IQSEC1: variants seen among roughly 807,000 people sequenced by gnomAD.
The protein encoded by IQSEC1 is IQ motif and Sec7 domain ArfGEF 1.
A neutral mutation model predicts 91.0 loss-of-function variants in IQSEC1; 31 were observed. The observed-to-expected ratio is 0.34, with a 90% CI of 0.26 to 0.46. The LOEUF is 0.46. IQSEC1 is among the 20% of genes least tolerant of loss of function. The pLI is 1.00. For missense variants in IQSEC1, 1,388 were observed against 1,575.6 expected (o/e 0.88, Z 2.02); for synonymous variants, 699 against 662.6 (o/e 1.05, Z -0.84).
At chr3:13,042,424 C>T (rs1257588343) in intron 1 of IQSEC1, 2 of 152,246 alleles carry the variant, frequency 1.3e-5, no homozygotes, top group African/African-American at 4.8e-5. Context: ...CGGAGAGGGG[C>T]TAGTGGGAGG....
intron 1 of IQSEC1, among the ~76,000 whole-genome samples, chr3:13,026,276 T>C (rs894007852): frequency 3.3e-5 from 5 of 152,168 alleles, no homozygotes; most frequent in African/African-American, 9.6e-5. Context: ...CTGGTTAGGG[T>C]TCCCCCCTTC....
chr3:13,251,038 C>T (rs1182700744), intron 1 of IQSEC1, among the ~76,000 whole-genome samples: 1 of 152,128 alleles, frequency 6.6e-6, no homozygotes, highest in Non-Finnish European at 1.5e-5. Context: ...ACTTCTGAGT[C>T]CTCACCTCCT....
chr3:13,036,794 C>T (rs768314508), intron 1 of IQSEC1, among the ~76,000 whole-genome samples: 49 of 152,338 alleles, frequency 3.2e-4, no homozygotes, highest in Middle Eastern at 3.4e-3. Context: ...AGATCCCTGG[C>T]GGCCTCTGTT....
intron 1 of IQSEC1, among the ~76,000 whole-genome samples, chr3:12,996,534 C>A (rs963830678): frequency 9.9e-5 from 15 of 151,924 alleles, no homozygotes; most frequent in Non-Finnish European, 1.8e-4. Flanking sequence ...AGGAAGATGT[C>A]GAACACTTAA....
upstream of IQSEC1, among the ~76,000 whole-genome samples, chr3:13,074,219 G>A (rs1231387157): frequency 6.6e-6 from 1 of 152,218 alleles, no homozygotes; most frequent in African/African-American, 2.4e-5. Context: ...GGGTGGTCGG[G>A]AAGGCCCTCT....
chr3:13,043,726 G>A (rs746400924), intron 1 of IQSEC1, among the ~76,000 whole-genome samples: 1 of 152,344 alleles, frequency 6.6e-6, no homozygotes, highest in Non-Finnish European at 1.5e-5. Flanking sequence ...GAGGAGCCTC[G>A]ATAATCATTT....
At chr3:13,009,271 C>T (rs1702769200) in intron 1 of IQSEC1, among the ~76,000 whole-genome samples, 1 of 152,212 alleles carries the variant, frequency 6.6e-6, no homozygotes. Flanking sequence ...GGTGCCCGGA[C>T]TGCCACACCT....
intron 1 of IQSEC1, among the ~76,000 whole-genome samples, chr3:13,232,086 ATAGT>A (rs758130536): frequency 4.6e-5 from 7 of 152,238 alleles, no homozygotes; most frequent in Non-Finnish European, 7.3e-5. Context: ...CTACTTTATA[ATAGT>A]TAGGGCACTG....
intron 1 of IQSEC1, among the ~76,000 whole-genome samples, chr3:13,066,669 G>C (rs1449263365): frequency 2.6e-5 from 4 of 152,350 alleles, no homozygotes; most frequent in Non-Finnish European, 5.9e-5. Flanking sequence ...GCTGAGGAGA[G>C]AGGGGTGTGT....
intron 1 of IQSEC1, among the ~76,000 whole-genome samples, chr3:13,268,225 T>C (rs1181030256): frequency 6.6e-6 from 1 of 152,214 alleles, no homozygotes; most frequent in Non-Finnish European, 1.5e-5. Flanking sequence ...GAGCACTGGT[T>C]TGGGAGTCCC....
In IQSEC1 at chr3:13,219,881, C is replaced by T. The variant is rs186443543; in HGVS notation, c.273-55748G>A. ...CTTATTTCCTTAATGCCACTGCTGC[C>T]CACAATATCCAGAGAGTTTGACTTT... On this transcript the variant is annotated intron_variant, in intron 1 of 15. Coordinates refer to the IQSEC1 transcript ENST00000648114. Among the ~76,000 whole-genome samples, 453 of 152,362 alleles carry T rather than the reference C, an allele frequency of 3.0e-3. 1 individual carries two copies. Among genetic ancestry groups the T allele is most frequent in the South Asian group, 6.4e-3 (31 of 4,824 alleles).
chr3:13,194,988 C>A (rs902557658), intron 1 of IQSEC1, among the ~76,000 whole-genome samples: 1 of 152,164 alleles, frequency 6.6e-6, no homozygotes, highest in Non-Finnish European at 1.5e-5. Context: ...AAAGAAAAAG[C>A]AGGAAGTTGG....
intron 1 of IQSEC1, among the ~76,000 whole-genome samples, chr3:13,176,897 G>T (rs532316176): frequency 6.6e-6 from 1 of 152,262 alleles, no homozygotes; most frequent in African/African-American, 2.4e-5. Context: ...TCATAAAAAG[G>T]AATGAAGTAC....
rs889401530 is a variant in IQSEC1, at chr3:12,946,397, C to A, written c.24-4532G>T. Among the ~76,000 whole-genome samples, 11 of 152,374 alleles carry A rather than the reference C, an allele frequency of 7.2e-5. No individual in the cohort carries two copies. In the South Asian group the frequency reaches 1.4e-3, roughly 20 times the overall value. On this transcript the variant is annotated intron_variant, in intron 1 of 13. Coordinates refer to ENST00000613206, the MANE Select transcript of IQSEC1 (RefSeq NM_001134382.3). The stretch of plus-strand genomic sequence containing the variant: ...AAGGAATGGGCCGAGGCACCTCTTC[C>A]AAGTCCCTGAATATTCCTGGCAGTT...
At chr3:13,200,271 CCA>C (rs1237199617) in intron 1 of IQSEC1, among the ~76,000 whole-genome samples, 13 of 150,260 alleles carry the variant, frequency 8.7e-5, no homozygotes, top group African/African-American at 2.5e-4. Flanking sequence ...CACACACACA[CCA>C]CACACACATA....
At chr3:13,234,075 C>G (rs1004982804) in intron 1 of IQSEC1, among the ~76,000 whole-genome samples, 4 of 152,244 alleles carry the variant, frequency 2.6e-5, no homozygotes, top group African/African-American at 9.6e-5. Context: ...CAAGCTTCCC[C>G]TAGCTCTCCA....
At position 13,270,196 on chromosome 3, in the gene IQSEC1, G is replaced by C. The variant is rs971218926; in HGVS notation, c.272+12515C>G. Among the ~76,000 whole-genome samples the C allele has an allele frequency of 2.6e-5, 4 of 152,230 alleles. No homozygotes were observed. In the East Asian group the frequency reaches 5.8e-4, roughly 22 times the overall value. On this transcript the variant is annotated intron_variant, in intron 1 of 15. Coordinates refer to the IQSEC1 transcript ENST00000648114. ...GGGAACAGAAGAACCACCCAGCCAAGCACTGCCCAACCTCTGATCTGCAAA... is the reference window on the plus strand; with the variant it reads ...GGGAACAGAAGAACCACCCAGCCAACCACTGCCCAACCTCTGATCTGCAAA...
chr3:12,897,657 C>G lies in IQSEC1; in HGVS notation c.*3326G>C, dbSNP rs1258119465. The G allele has an allele frequency of 6.6e-6, 1 of 152,174 alleles. No homozygotes were observed. Among genetic ancestry groups the G allele is most frequent in the Non-Finnish European group, 1.5e-5 (1 of 68,044 alleles). The allele number at this position is 152,174 out of a possible 1,614,324, so 9.4% of individuals were successfully genotyped here. ...AATACAAATGTACTCGTTTCTCAGG[C>G]AGGAAGGGTGATGATATTTTACAAG... On this transcript the variant is annotated 3_prime_UTR_variant, in exon 14 of 14. Transcript: ENST00000613206.
In IQSEC1 at chr3:12,900,412, T is replaced by C; in HGVS notation, c.*571A>G. ...TAAGGTGGGTATTGCTAATGTGGAC[T>C]GAAACGCCTGCCTTTCACACACAAG... is the stretch of plus-strand genomic sequence containing the variant. On this transcript the variant is annotated 3_prime_UTR_variant, in exon 14 of 14. Coordinates refer to ENST00000613206, the MANE Select transcript of IQSEC1 (RefSeq NM_001134382.3). 3.1e-6 allele frequency: 3 copies of C among 983,474 alleles called. No homozygotes were observed. Among genetic ancestry groups the C allele is most frequent in the Non-Finnish European group, 2.4e-6 (2 of 829,094 alleles). The allele number at this position is 983,474 out of a possible 1,614,324, so 60.9% of individuals were successfully genotyped here.
Sources: gnomAD v4.1 joint callset for allele counts (sites outside exome capture counted in the v4.1 genomes callset) on GRCh38, gnomAD v4.1.1 for gene constraint, MANE v1.5 for transcripts, NCBI Gene and HGNC (gene_info 2026-07-23, HGNC 2026-07-21) for gene names.